MTFR1: variants seen among roughly 807,000 people sequenced by gnomAD.
MTFR1 encodes the protein chondrocyte protein with a poly-proline region.
MTFR1 carries 28 observed loss-of-function variants against 38.8 expected under a neutral mutation model. The observed-to-expected ratio is 0.72, with a 90% confidence interval of 0.53 to 0.99. MTFR1 has a LOEUF of 0.99. Among genes scored for constraint, MTFR1 ranks in the 50% least tolerant of loss-of-function variants. The pLI is 0.00. For missense variants in MTFR1, 358 were observed against 395.5 expected (o/e 0.91, Z 0.81); for synonymous variants, 145 against 137.0 (o/e 1.06, Z -0.41).
chr8:65,745,375 A>G (rs140443085), intron 3 of MTFR1: 141 of 1,266,736 alleles, frequency 1.1e-4, no homozygotes, highest in Non-Finnish European at 1.5e-4. Context: ...TCTAGACTAC[A>G]TTAACTTGAG....
Position 65,710,233 on chromosome 8 carries a change from G to A in MTFR1, c.*1189G>A, listed in dbSNP as rs182437970. ...TGTACTTCCTGGCTGGGAGTATTAGGAGATGGGAGTAGAGATTCACTTTTA... is the reference window on the plus strand; with the variant it reads ...TGTACTTCCTGGCTGGGAGTATTAGAAGATGGGAGTAGAGATTCACTTTTA... On this transcript the variant is annotated 3_prime_UTR_variant, in exon 8 of 8. Transcript: ENST00000262146. The A allele has an allele frequency of 8.3e-4, 126 of 152,278 alleles. 1 individual carries two copies. Among genetic ancestry groups the A allele is most frequent in the Admixed American group, 2.9e-3 (45 of 15,296 alleles). The allele number at this position is 152,278 out of a possible 1,614,324, so 9.4% of individuals were successfully genotyped here.
intron 4 of MTFR1, among the ~76,000 whole-genome samples, chr8:65,702,703 G>T (rs1805651938): frequency 1.3e-5 from 2 of 152,044 alleles, no homozygotes; most frequent in Non-Finnish European, 2.9e-5. Context: ...AAATCATTTT[G>T]GGAATAGGGC....
At chr8:65,692,068 AGTCCCAAGG>A (rs1737171897) in intron 3 of MTFR1, among the ~76,000 whole-genome samples, 1 of 152,218 alleles carries the variant, frequency 6.6e-6, no homozygotes, top group African/African-American at 2.4e-5. Context: ...ACAATGCATG[AGTCCCAAGG>A]GTAACCTTTT....
chr8:65,676,584 G>A (rs751072022), intron 2 of MTFR1, among the ~76,000 whole-genome samples: 4 of 152,084 alleles, frequency 2.6e-5, no homozygotes, highest in African/African-American at 9.7e-5. Context: ...GGCTGGTCTC[G>A]AACTCCTGAC....
chr8:65,683,618 C>T (rs1333947941), intron 3 of MTFR1, among the ~76,000 whole-genome samples: 1 of 152,128 alleles, frequency 6.6e-6, no homozygotes, highest in South Asian at 2.1e-4. Context: ...GTATTTAACT[C>T]ATCATTTAGA....
chr8:65,667,726 C>G (rs111703315), intron 1 of MTFR1, among the ~76,000 whole-genome samples: 3,322 of 152,264 alleles, frequency 0.022, 126 homozygotes, highest in African/African-American at 0.075. Context: ...CACACCTGGC[C>G]AAATTCAGCA....
chr8:65,655,969 C>CATATATATATATATATATGTATATA, intron 1 of MTFR1, among the ~76,000 whole-genome samples: 1 of 56,472 alleles, frequency 1.8e-5, no homozygotes, highest in African/African-American at 1.0e-4. Context: ...TATATATATA[C>CATATATATATATATATATGTATATA]CATATATATA....
intron 3 of MTFR1, among the ~76,000 whole-genome samples, chr8:65,742,165 G>C (rs1045298900): frequency 1.3e-5 from 2 of 152,176 alleles, no homozygotes; most frequent in African/African-American, 4.8e-5. Flanking sequence ...AAAGAAAATT[G>C]TATTTTTAGA....
chr8:65,745,674 T>A (rs1056980712), intron 3 of MTFR1, among the ~76,000 whole-genome samples: 1 of 152,196 alleles, frequency 6.6e-6, no homozygotes, highest in African/African-American at 2.4e-5. Context: ...AAATGAAACA[T>A]TATTTTGTTT....
At chr8:65,707,760 T>G in intron 6 of MTFR1, 83 bp from the exon 7 acceptor site, 1 of 1,532,126 alleles carries the variant, frequency 6.5e-7, no homozygotes. Context: ...AGAGGTGCTG[T>G]CAGGCAAAAG....
chr8:65,772,653 A>C (rs1483138150), downstream of MTFR1, among the ~76,000 whole-genome samples: 2 of 152,200 alleles, frequency 1.3e-5, no homozygotes, highest in Non-Finnish European at 2.9e-5. Flanking sequence ...AAGAAGGATA[A>C]TCCTCCTGGT....
At chr8:65,743,954 T>C (rs1807554922) in intron 3 of MTFR1, among the ~76,000 whole-genome samples, 1 of 152,018 alleles carries the variant, frequency 6.6e-6, no homozygotes, top group Non-Finnish European at 1.5e-5. Context: ...TGCCTCAGCC[T>C]CCCATGTAGC....
At chr8:65,681,158 C>T (rs1387658662) in intron 2 of MTFR1, among the ~76,000 whole-genome samples, 8 of 151,852 alleles carry the variant, frequency 5.3e-5, no homozygotes, top group South Asian at 2.1e-4. Context: ...ATGATCCACC[C>T]GCCTCGGCCT....
chr8:65,762,351 G>T (rs1452604007), intron 3 of MTFR1, among the ~76,000 whole-genome samples: 8 of 152,146 alleles, frequency 5.3e-5, no homozygotes, highest in Non-Finnish European at 1.2e-4. Flanking sequence ...CATTTAGCAT[G>T]CATGAATGAA....
downstream of MTFR1, among the ~76,000 whole-genome samples, chr8:65,710,990 TAGAG>T (rs58516082): frequency 1.8e-3 from 276 of 150,840 alleles, 8 homozygotes; most frequent in South Asian, 0.043. Flanking sequence ...TATATATATA[TAGAG>T]AGAGAGAGAG....
chr8:65,776,850 T>C, the MTFR1 span, among the ~76,000 whole-genome samples: 1 of 152,198 alleles, frequency 6.6e-6, no homozygotes, highest in Admixed American at 6.5e-5. Flanking sequence ...TTCATTTCTT[T>C]TTCTTGCATT....
At chr8:65,738,820 GT>G (rs1326401052) in intron 3 of MTFR1, among the ~76,000 whole-genome samples, 12 of 152,216 alleles carry the variant, frequency 7.9e-5, no homozygotes, top group African/African-American at 2.7e-4. Context: ...CTCTTTTAAA[GT>G]TTTAGCCTTC....
downstream of MTFR1, chr8:65,714,912 A>T (rs940185886): frequency 2.0e-5 from 3 of 152,204 alleles, no homozygotes; most frequent in Non-Finnish European, 4.4e-5. Flanking sequence ...TTACTTTTAT[A>T]CAGAGTATCA....
chr8:65,723,377 A>G, intron 3 of MTFR1: 1 of 569,860 alleles, frequency 1.8e-6, no homozygotes. Context: ...TTAAATGAGA[A>G]TTAGAAGAGC....
Sources: gnomAD v4.1 joint callset for allele counts (sites outside exome capture counted in the v4.1 genomes callset) on GRCh38, gnomAD v4.1.1 for gene constraint, MANE v1.5 for transcripts, NCBI Gene and HGNC (gene_info 2026-07-23, HGNC 2026-07-21) for gene names.